UGT1A10: variants seen among roughly 807,000 people sequenced by gnomAD.
UGT1A10 encodes the protein UDP glucuronosyltransferase family 1 member A10.
A neutral mutation model predicts 45.8 loss-of-function variants in UGT1A10; 49 were observed. That is an observed-to-expected ratio of 1.07 (90% CI 0.85 to 1.36). The LOEUF is 1.36. Ranked by LOEUF, UGT1A10 falls within the 40% of genes most tolerant of loss-of-function variation. UGT1A10 has a pLI of 0.00. For synonymous variants in UGT1A10, 284 were observed against 249.7 expected (o/e 1.14, Z -1.29); for missense variants, 745 against 668.6 (o/e 1.11, Z -1.26).
At chr2:233,744,144 C>G (rs1446501937) in intron 1 of UGT1A10, 4 of 335,984 alleles carry the variant, frequency 1.2e-5, no homozygotes, top group Non-Finnish European at 2.3e-5. Context: ...CTGTGATGCT[C>G]CAAGACCAGG....
chr2:233,638,059 A>G (rs1343460501), intron 1 of UGT1A10, among the ~76,000 whole-genome samples: 1 of 152,066 alleles, frequency 6.6e-6, no homozygotes, highest in Non-Finnish European at 1.5e-5. Context: ...ATATATTTCT[A>G]TATTCTTGCT....
intron 1 of UGT1A10, among the ~76,000 whole-genome samples, chr2:233,724,264 C>A (rs1250827727): frequency 1.7e-5 from 2 of 116,566 alleles, no homozygotes; most frequent in East Asian, 2.8e-4. Flanking sequence ...ACCTCCCGGA[C>A]GGGGCGGCTG....
intron 1 of UGT1A10, among the ~76,000 whole-genome samples, chr2:233,754,013 A>G (rs1002247904): frequency 2.0e-5 from 3 of 152,240 alleles, no homozygotes; most frequent in African/African-American, 7.2e-5. Flanking sequence ...TGTTACAGCC[A>G]TGATAGGAAA....
chr2:233,717,344 G>A (rs187624404), intron 1 of UGT1A10, among the ~76,000 whole-genome samples: 9 of 152,242 alleles, frequency 5.9e-5, no homozygotes, highest in Admixed American at 2.0e-4. Context: ...CCCAGAAATC[G>A]TCCTCCCCTG....
At chr2:233,717,755 A>G in intron 1 of UGT1A10, 1 of 456,600 alleles carries the variant, frequency 2.2e-6, no homozygotes, top group South Asian at 1.5e-5. Flanking sequence ...CTCCCCCTAG[A>G]AAGGCACACA....
chr2:233,771,328 C>G (rs11888492), intron 4 of UGT1A10: 27,690 of 151,958 alleles, frequency 0.18, 3,662 homozygotes, highest in African/African-American at 0.37. Flanking sequence ...CTTCAATCTC[C>G]TCTTCATTCC....
intron 1 of UGT1A10, among the ~76,000 whole-genome samples, chr2:233,746,886 T>C (rs1265545295): frequency 6.6e-6 from 1 of 151,624 alleles, no homozygotes; most frequent in Non-Finnish European, 1.5e-5. Context: ...AACAGAGAAG[T>C]AGGAGGCTGT....
intron 1 of UGT1A10, chr2:233,730,086 CTTTCCAAATATTTCA>C: frequency 1.2e-6 from 2 of 1,600,798 alleles, no homozygotes; most frequent in Non-Finnish European, 1.7e-6. Flanking sequence ...ATTTACTTAT[CTTTCCAAATATTTCA>C]TTTCTGCTTC....
At chr2:233,648,047 A>G (rs2073646348) in intron 1 of UGT1A10, 3 of 1,588,480 alleles carry the variant, frequency 1.9e-6, no homozygotes, top group East Asian at 2.2e-5. Flanking sequence ...AGATCACTGA[A>G]TTGCACAGTG....
intron 1 of UGT1A10, chr2:233,719,529 G>A (rs2076777765): frequency 6.2e-7 from 1 of 1,613,836 alleles, no homozygotes; most frequent in South Asian, 1.1e-5. Context: ...TCTTGCCTCT[G>A]AGCTTTTTCA....
At chr2:233,720,767 C>A (rs550051357) in intron 1 of UGT1A10, among the ~76,000 whole-genome samples, 2 of 150,844 alleles carry the variant, frequency 1.3e-5, no homozygotes, top group East Asian at 3.9e-4. Flanking sequence ...GGGCAGTGGC[C>A]GGATCTCCGC....
chr2:233,672,589 T>C (rs1226858961), intron 1 of UGT1A10: 1 of 1,613,940 alleles, frequency 6.2e-7, no homozygotes, highest in South Asian at 1.1e-5. Context: ...GGAACATTTA[T>C]TATGCCACCG....
intron 1 of UGT1A10, among the ~76,000 whole-genome samples, chr2:233,643,127 C>T (rs2073500204): frequency 6.6e-6 from 1 of 152,234 alleles, no homozygotes; most frequent in Non-Finnish European, 1.5e-5. Context: ...ACCTGCATCC[C>T]TCCCTTCAGA....
chr2:233,666,099 A>C (rs2074070915), intron 1 of UGT1A10, among the ~76,000 whole-genome samples: 1 of 152,228 alleles, frequency 6.6e-6, no homozygotes, highest in Non-Finnish European at 1.5e-5. Context: ...ACTTCCACTC[A>C]TGGCAGAAGG....
intron 1 of UGT1A10, among the ~76,000 whole-genome samples, chr2:233,650,189 C>T (rs1447184437): frequency 2.6e-5 from 4 of 152,158 alleles, no homozygotes; most frequent in South Asian, 2.1e-4. Context: ...AGGCTGGTCT[C>T]GAACTCCTGA....
intron 1 of UGT1A10, among the ~76,000 whole-genome samples, chr2:233,710,642 A>G (rs1302570147): frequency 6.6e-6 from 1 of 152,158 alleles, no homozygotes; most frequent in Non-Finnish European, 1.5e-5. Context: ...TTCTTTACAT[A>G]TTCTGGATAC....
intron 1 of UGT1A10, chr2:233,729,832 T>G (rs1469458626): frequency 1.2e-6 from 2 of 1,613,822 alleles, no homozygotes; most frequent in African/African-American, 1.3e-5. Context: ...AAGCCTTGCC[T>G]CTGAGCTTTT....
intron 1 of UGT1A10, among the ~76,000 whole-genome samples, chr2:233,753,939 G>C (rs753977947): frequency 3.0e-4 from 45 of 152,164 alleles, no homozygotes; most frequent in Non-Finnish European, 6.2e-4. Flanking sequence ...GGATTCAAAT[G>C]TATGACCTCC....
chr2:233,683,083 C>CT (rs1255524553), intron 1 of UGT1A10, among the ~76,000 whole-genome samples: 1 of 151,994 alleles, frequency 6.6e-6, no homozygotes, highest in African/African-American at 2.4e-5. Flanking sequence ...TGAAACTTCC[C>CT]TTTTTTTGCT....
Sources: gnomAD v4.1 joint callset for allele counts (sites outside exome capture counted in the v4.1 genomes callset) on GRCh38, gnomAD v4.1.1 for gene constraint, MANE v1.5 for transcripts, NCBI Gene and HGNC (gene_info 2026-07-23, HGNC 2026-07-21) for gene names.